CDKL3: variants seen among roughly 807,000 people sequenced by gnomAD.
CDKL3 encodes cyclin-dependent kinase-like 3.
Under a neutral mutation model 69.3 loss-of-function variants are expected in CDKL3, and 65 were observed. The ratio of observed to expected loss-of-function variants is 0.94; its 90% confidence interval spans 0.77 to 1.15. CDKL3 has a LOEUF of 1.15. Ranked by LOEUF, CDKL3 falls within the 50% of genes most tolerant of loss-of-function variation. The pLI is 0.00. For missense variants in CDKL3, 652 were observed against 689.2 expected, an observed-to-expected ratio of 0.95 and a Z score of 0.61; for synonymous variants, 202 against 221.6, an observed-to-expected ratio of 0.91 and a Z score of 0.79.
chr5:134,304,504 T>G lies in CDKL3; in HGVS notation c.1522A>C (p.Asn508His), dbSNP rs760019504. The stretch of plus-strand genomic sequence containing the variant: ...CTGGAAAAATTCAGCTTCCTTTTGT[T>G]CTCATTTGCCATTTGGTCACTGTGA... ...TGHSDQMANE[N>H]KRKLNFSRSD... The change falls in exon 11 of 13, where the codon AAC (asparagine) becomes CAC (histidine). Residue 508 changes from asparagine (N) to histidine (H), a missense_variant. By Grantham distance (68) the Asn-to-His change is moderately conservative (BLOSUM62 1). Transcript: ENST00000265334. The G allele has an allele frequency of 6.2e-7, 1 of 1,612,870 alleles. No homozygotes were observed. Among genetic ancestry groups the G allele is most frequent in the South Asian group, 1.1e-5 (1 of 90,890 alleles).
intron 4 of CDKL3, among the ~76,000 whole-genome samples, chr5:134,325,165 G>A (rs538757067): frequency 6.6e-6 from 1 of 152,258 alleles, no homozygotes; most frequent in South Asian, 2.1e-4. Flanking sequence ...GAGACAGAAT[G>A]CGACACTGTC....
At position 134,298,668 on chromosome 5, in the gene CDKL3, T is replaced by C. The variant is rs1479944448; in HGVS notation, c.1762A>G (p.Arg588Gly). The change falls in exon 13 of 13, where the codon AGG becomes GGG. Residue 588 changes from arginine to glycine, a missense_variant. Physicochemically the swap from Arg to Gly is moderately radical, Grantham distance 125. Coordinates refer to ENST00000265334, the MANE Select transcript of CDKL3 (RefSeq NM_001113575.2). The part of the protein sequence containing the change: ...HCEGKNLKRN[R>G]FFFW Reference sequence around the variant, plus strand: ...AAAAGACACTACCAGAAAAAAAACCTGTTTCTCTTCAAATTCTTCCCCTCG... The same window carrying C: ...AAAAGACACTACCAGAAAAAAAACCCGTTTCTCTTCAAATTCTTCCCCTCG... 1.2e-6 allele frequency: 2 copies of C among 1,612,868 alleles called. No individual in the cohort carries two copies. Among genetic ancestry groups the C allele is most frequent in the Admixed American group, 1.7e-5 (1 of 59,830 alleles).
intron 6 of CDKL3, among the ~76,000 whole-genome samples, chr5:134,315,046 C>T (rs1179874558): frequency 2.0e-5 from 3 of 151,864 alleles, no homozygotes; most frequent in Non-Finnish European, 4.4e-5. Context: ...AAATATGTGC[C>T]CTACATCAGA....
intron 10 of CDKL3, among the ~76,000 whole-genome samples, chr5:134,304,829 ATAATATTAT>A (rs986918607): frequency 3.4e-5 from 5 of 147,320 alleles, no homozygotes; most frequent in Admixed American, 6.9e-5. Flanking sequence ...AATAATAATA[ATAATATTAT>A]TATTATTATT....
At chr5:134,364,273 T>C (rs931134171) in intron 2 of CDKL3, among the ~76,000 whole-genome samples, 1 of 152,196 alleles carries the variant, frequency 6.6e-6, no homozygotes, top group African/African-American at 2.4e-5. Context: ...CTGTCACACC[T>C]ACATAGGATT....
intron 8 of CDKL3, among the ~76,000 whole-genome samples, chr5:134,292,763 T>A (rs1362040615): frequency 6.6e-6 from 1 of 151,880 alleles, no homozygotes; most frequent in East Asian, 1.9e-4. Context: ...AAAGGGAACA[T>A]CACCATAGAT....
chr5:134,331,255 C>T (rs1775717845), intron 4 of CDKL3, among the ~76,000 whole-genome samples: 1 of 152,106 alleles, frequency 6.6e-6, no homozygotes, highest in Admixed American at 6.6e-5. Context: ...GAATGGTCTG[C>T]TGCTGCAGGC....
downstream of CDKL3, chr5:134,286,376 G>C (rs1376269091): frequency 3.6e-5 from 6 of 165,856 alleles, no homozygotes; most frequent in African/African-American, 1.4e-4. Flanking sequence ...CAAGTCTCTA[G>C]AAAGTTCCAA....
At chr5:134,368,176 G>A (rs1381540922), upstream of CDKL3, among the ~76,000 whole-genome samples, 3 of 152,208 alleles carry the variant, frequency 2.0e-5, no homozygotes, top group Non-Finnish European at 2.9e-5. Flanking sequence ...CAATGCCAGA[G>A]CACCTGATTT....
chr5:134,366,168 C>A (rs1757378393), intron 2 of CDKL3, among the ~76,000 whole-genome samples, 191 bp downstream of exon 2: 4 of 152,086 alleles, frequency 2.6e-5, no homozygotes, highest in Admixed American at 2.0e-4. Context: ...ATTGGTGTAG[C>A]TTTTGTTACA....
intron 2 of CDKL3, among the ~76,000 whole-genome samples, chr5:134,363,402 T>TC (rs1756535437): frequency 6.6e-6 from 1 of 151,336 alleles, no homozygotes; most frequent in Admixed American, 6.6e-5. Flanking sequence ...CAAGTGATTC[T>TC]CCTGCCTCAG....
At chr5:134,303,937 A>AT (rs201638912) in intron 11 of CDKL3, among the ~76,000 whole-genome samples, 20,338 of 147,264 alleles carry the variant, frequency 0.14, 1,697 homozygotes, top group African/African-American at 0.23. Flanking sequence ...TTAAAAAAAA[A>AT]TTTTTTTTTT....
In CDKL3 at chr5:134,359,974, G is replaced by A; in HGVS notation, c.283C>T (p.His95Tyr). The change falls in exon 3 of 13, where the codon CAT becomes TAT. Residue 95 changes from histidine (H) to tyrosine (Y), a missense_variant. By Grantham distance (83) the His-to-Tyr change is moderately conservative (BLOSUM62 2). Coordinates refer to ENST00000265334, the MANE Select transcript of CDKL3 (RefSeq NM_001113575.2). ...CTAAGTCGCTTACTCTCTAGTCCAT[G>A]ACAATAATGTTGTAACTCATCTAAT... ...TVLDELQHYCHGLESKRLRKY... is the reference protein window; with the variant it reads ...TVLDELQHYCYGLESKRLRKY... The A allele has an allele frequency of 3.2e-6, 5 of 1,578,400 alleles. No individual in the cohort carries two copies. The highest frequency in any genetic ancestry group is 3.3e-4 in the Middle Eastern group (2 of 6,012).
At chr5:134,287,210 G>A (rs1418895851) in intron 8 of CDKL3, among the ~76,000 whole-genome samples, 1 of 152,106 alleles carries the variant, frequency 6.6e-6, no homozygotes, top group Non-Finnish European at 1.5e-5. Flanking sequence ...ACAAAGATCA[G>A]GAAAAATAAG....
At chr5:134,358,397 C>T (rs1427036940) in intron 3 of CDKL3, among the ~76,000 whole-genome samples, 4 of 152,186 alleles carry the variant, frequency 2.6e-5, no homozygotes, top group East Asian at 3.8e-4. Flanking sequence ...AAGTCTTCTA[C>T]TGTCAGTTTA....
At position 134,366,384 on chromosome 5, in the gene CDKL3, G is replaced by T; in HGVS notation, c.140C>A (p.Ala47Glu). Reference sequence around the variant, plus strand: ...CTTTAGAAACTTTATTTCTCTCATCGCAATTTTGTTGACAGATTGTTCTGG... The same window carrying T: ...CTTTAGAAACTTTATTTCTCTCATCTCAATTTTGTTGACAGATTGTTCTGG... ...ERPEQSVNKI[A>E]MREIKFLKQF... Residue 47 changes from alanine to glutamate, a missense_variant, in exon 2 of 13, where the codon GCG becomes GAG. Transcript: ENST00000265334. 2 of 1,579,730 alleles carry T rather than the reference G, an allele frequency of 1.3e-6. No individual in the cohort carries two copies. Among genetic ancestry groups the T allele is most frequent in the East Asian group, 2.3e-5 (1 of 44,002 alleles).
intron 4 of CDKL3, among the ~76,000 whole-genome samples, chr5:134,327,648 C>G (rs1158112717): frequency 6.6e-6 from 1 of 151,322 alleles, no homozygotes; most frequent in East Asian, 1.9e-4. Context: ...GGGAATAACA[C>G]AGTTAGGAGA....
intron 3 of CDKL3, among the ~76,000 whole-genome samples, chr5:134,353,253 C>A (rs1753753896): frequency 6.6e-6 from 1 of 152,114 alleles, no homozygotes; most frequent in Non-Finnish European, 1.5e-5. Context: ...TTCAGCAAAT[C>A]TAAAACTAAA....
Position 134,298,661 on chromosome 5 carries a change from A to G in CDKL3, c.1769T>C (p.Phe590Ser), listed in dbSNP as rs781471861. The G allele has an allele frequency of 6.2e-7, 1 of 1,612,886 alleles. No homozygotes were observed. Among genetic ancestry groups the G allele is most frequent in the South Asian group, 1.1e-5 (1 of 90,698 alleles). Residue 590 changes from phenylalanine (F) to serine (S), a missense_variant, in exon 13 of 13, where the codon TTT becomes TCT. Transcript: ENST00000265334. The stretch of plus-strand genomic sequence containing the variant: ...GTAAAAGAAAAGACACTACCAGAAA[A>G]AAAACCTGTTTCTCTTCAAATTCTT... ...EGKNLKRNRF[F>S]FW
Sources: allele counts gnomAD v4.1 joint callset (sites outside exome capture counted in the v4.1 genomes callset), GRCh38; gene constraint gnomAD v4.1.1; transcripts MANE v1.5; gene names NCBI Gene and HGNC (gene_info 2026-07-23, HGNC 2026-07-21).